Variants in ARHGAP44 observed in about 807,000 individuals in gnomAD.
ARHGAP44 encodes rho GTPase-activating protein 44.
A neutral mutation model predicts 106.8 loss-of-function variants in ARHGAP44; 43 were observed. The ratio of observed to expected loss-of-function variants is 0.40; its 90% confidence interval spans 0.32 to 0.52. The LOEUF is 0.52. ARHGAP44 is among the 20% of genes least tolerant of loss of function. The probability of loss-of-function intolerance (pLI) is 0.48; values close to 1 mark genes in which losing one functional copy is unlikely to be tolerated. For synonymous variants in ARHGAP44, 439 were observed against 410.3 expected, an observed-to-expected ratio of 1.07 and a Z score of -0.85; for missense variants, 866 against 1,050.5, an observed-to-expected ratio of 0.82 and a Z score of 2.43.
At chr17:12,911,048 CCA>C (rs2037720051) in intron 4 of ARHGAP44, among the ~76,000 whole-genome samples, 1 of 60,296 alleles carries the variant, frequency 1.7e-5, no homozygotes, top group African/African-American at 7.3e-5. Flanking sequence ...AAAAAAGTAA[CCA>C]AAAAAAAAAA....
chr17:12,887,339 C>T (rs1266145608), intron 1 of ARHGAP44, among the ~76,000 whole-genome samples: 1 of 152,100 alleles, frequency 6.6e-6, no homozygotes, highest in African/African-American at 2.4e-5. Context: ...AGCGATCCTC[C>T]CACCTCAGCC....
chr17:12,963,723 C>G lies in ARHGAP44; in HGVS notation c.1523+4826C>G, dbSNP rs372213886. 1.1e-3 allele frequency among the ~76,000 whole-genome samples: 172 copies of G among 152,270 alleles called. 4 individuals are homozygous for G. The South Asian group carries it at 0.034, about 30-fold the overall frequency. On this transcript the variant is annotated intron_variant, in intron 16 of 20. Coordinates refer to ENST00000379672, the MANE Select transcript of ARHGAP44 (RefSeq NM_014859.6). ...ACCAGTGCCGTGTGTGCAGACAGGC[C>G]GGCCTTGCGAAGCCCTGCCAGAACT...
At chr17:12,833,763 G>A (rs1485072769) in intron 1 of ARHGAP44, among the ~76,000 whole-genome samples, 1 of 152,190 alleles carries the variant, frequency 6.6e-6, no homozygotes, top group African/African-American at 2.4e-5. Flanking sequence ...GTCTGGAAAG[G>A]TGGGACATCT....
intron 1 of ARHGAP44, among the ~76,000 whole-genome samples, chr17:12,832,415 G>A (rs1286940910): frequency 6.6e-6 from 1 of 152,056 alleles, no homozygotes; most frequent in African/African-American, 2.4e-5. Flanking sequence ...ACCAATCTTA[G>A]GTTTTATAAT....
intron 1 of ARHGAP44, among the ~76,000 whole-genome samples, chr17:12,820,772 T>TA (rs2034746381): frequency 6.6e-6 from 1 of 152,146 alleles, no homozygotes; most frequent in African/African-American, 2.4e-5. Context: ...GATTGAATGA[T>TA]AGAGATTTTA....
rs140070450 is a variant in ARHGAP44 at position 12,934,839 on chromosome 17, T to C, written c.582+5793T>C. Among the ~76,000 whole-genome samples, 696 of 152,290 alleles carry C rather than the reference T, an allele frequency of 4.6e-3. 3 individuals are homozygous for C. The highest frequency in any genetic ancestry group is 0.016 in the African/African-American group (658 of 41,558). On this transcript the variant is annotated intron_variant, in intron 7 of 20. Transcript: ENST00000379672. ...AATACAGGTTTATCAATTGTAAACCTGGGCTGGGACCTTCCTTGGCGTGTC... is the reference window on the plus strand; with the variant it reads ...AATACAGGTTTATCAATTGTAAACCCGGGCTGGGACCTTCCTTGGCGTGTC...
At chr17:12,829,118 TC>T (rs1206070924) in intron 1 of ARHGAP44, among the ~76,000 whole-genome samples, 1 of 152,138 alleles carries the variant, frequency 6.6e-6, no homozygotes, top group East Asian at 1.9e-4. Flanking sequence ...AGGGATTAAC[TC>T]CTATTGAAAG....
intron 13 of ARHGAP44, chr17:12,955,664 A>AGT: frequency 2.0e-6 from 1 of 503,514 alleles, no homozygotes; most frequent in Non-Finnish European, 3.6e-6. Context: ...CACCTGACCC[A>AGT]GTGAGATCTG....
In ARHGAP44 at chr17:12,928,416, A is replaced by G. The variant is rs1310834715; in HGVS notation, c.465-513A>G. On this transcript the variant is annotated intron_variant, in intron 6 of 20. Coordinates refer to ENST00000379672, the MANE Select transcript of ARHGAP44 (RefSeq NM_014859.6). Reference sequence around the variant, plus strand: ...AATATATAATATACAGTATATTACTATAATCACCCTGATTAAACTTCAGAT... The same window carrying G: ...AATATATAATATACAGTATATTACTGTAATCACCCTGATTAAACTTCAGAT... Among the ~76,000 whole-genome samples, 5 of 152,316 alleles carry G rather than the reference A, an allele frequency of 3.3e-5. 1 individual carries two copies. The highest frequency in any genetic ancestry group is 1.9e-4 in the East Asian group (1 of 5,182).
At chr17:12,946,229 T>C (rs185754595) in intron 10 of ARHGAP44, among the ~76,000 whole-genome samples, 26 of 152,334 alleles carry the variant, frequency 1.7e-4, no homozygotes, top group Non-Finnish European at 3.2e-4. Context: ...TCTTGTTACG[T>C]TTCTGCCTCC....
Position 12,882,559 on chromosome 17 carries a change from T to A in ARHGAP44, c.54-12381T>A, listed in dbSNP as rs561088988. Among the ~76,000 whole-genome samples, 2 of 152,238 alleles carry A rather than the reference T, an allele frequency of 1.3e-5. 1 individual carries two copies. The highest frequency in any genetic ancestry group is 4.1e-4 in the South Asian group (2 of 4,826). ...TATTTTCACCCTCTCCCCAAGGGCATGTTTTTAACATGTTTCCAGTAAGAA... is the reference window on the plus strand; with the variant it reads ...TATTTTCACCCTCTCCCCAAGGGCAAGTTTTTAACATGTTTCCAGTAAGAA... On this transcript the variant is annotated intron_variant, in intron 1 of 20. Transcript: ENST00000379672.
At chr17:12,907,166 A>G (rs1216613564) in intron 3 of ARHGAP44, among the ~76,000 whole-genome samples, 1 of 152,132 alleles carries the variant, frequency 6.6e-6, no homozygotes, top group Non-Finnish European at 1.5e-5. Context: ...TTTTTGAAGA[A>G]CTACCTTTGT....
At position 12,986,958 on chromosome 17, in the gene ARHGAP44, T is replaced by G. The variant is rs540086893; in HGVS notation, c.2317+2050T>G. 8.1e-6 allele frequency: 6 copies of G among 738,684 alleles called. No homozygotes were observed. In the Admixed American group the frequency reaches 1.1e-4, roughly 13 times the overall value. 45.8% of individuals were successfully genotyped at this position (738,684 alleles called of 1,614,324 possible). A position where few individuals can be genotyped will look rare whatever the true frequency, so the allele number is the denominator to read the frequency against. On this transcript the variant is annotated intron_variant, in intron 20 of 20. Coordinates refer to ENST00000379672, the MANE Select transcript of ARHGAP44 (RefSeq NM_014859.6). ...GTTTTGTCCCATACGTTCAGGTCTCTGAGCCAGTGTAGAATCCATCATGGT... is the reference window on the plus strand; with the variant it reads ...GTTTTGTCCCATACGTTCAGGTCTCGGAGCCAGTGTAGAATCCATCATGGT...
chr17:12,820,915 A>G (rs972818697), intron 1 of ARHGAP44, among the ~76,000 whole-genome samples: 2 of 152,206 alleles, frequency 1.3e-5, no homozygotes, highest in Admixed American at 1.3e-4. Flanking sequence ...GACCATATCT[A>G]AAACCCTGAA....
intron 19 of ARHGAP44, among the ~76,000 whole-genome samples, chr17:12,983,676 C>G (rs1479759861): frequency 6.6e-6 from 1 of 151,976 alleles, no homozygotes; most frequent in Admixed American, 6.6e-5. Flanking sequence ...TGGTGGTGGG[C>G]GCCTGTAATC....
intron 20 of ARHGAP44, among the ~76,000 whole-genome samples, chr17:12,989,146 G>C (rs2040044804): frequency 6.6e-6 from 1 of 150,454 alleles, no homozygotes; most frequent in Non-Finnish European, 1.5e-5. Context: ...GGAGGAAGGG[G>C]ACAGCATGAC....
chr17:12,977,269 A>T (rs1057037561), intron 18 of ARHGAP44, among the ~76,000 whole-genome samples: 4 of 152,184 alleles, frequency 2.6e-5, no homozygotes, highest in African/African-American at 9.6e-5. Context: ...GGTTTCTCCC[A>T]GTACAAACAG....
chr17:12,896,266 A>G (rs1334021684), intron 2 of ARHGAP44, 141 bp from the exon 3 acceptor site: 2 of 650,922 alleles, frequency 3.1e-6, no homozygotes, highest in Non-Finnish European at 2.6e-6. Flanking sequence ...AATTTAAAAA[A>G]CAAACAAACA....
At chr17:12,827,703 A>G (rs2034961244) in intron 1 of ARHGAP44, among the ~76,000 whole-genome samples, 4 of 152,182 alleles carry the variant, frequency 2.6e-5, no homozygotes, top group South Asian at 2.1e-4. Flanking sequence ...TATGAATGAT[A>G]TACAGTTATG....
Sources: gnomAD v4.1 joint callset for allele counts (sites outside exome capture counted in the v4.1 genomes callset) on GRCh38, gnomAD v4.1.1 for gene constraint, MANE v1.5 for transcripts, NCBI Gene and HGNC (gene_info 2026-07-23, HGNC 2026-07-21) for gene names.